THSD7B: variants seen among roughly 807,000 people sequenced by gnomAD.
THSD7B encodes thrombospondin type-1 domain-containing protein 7B.
THSD7B carries 138 observed loss-of-function variants against 213.6 expected under a neutral mutation model. That is an observed-to-expected ratio of 0.65 (90% CI 0.56 to 0.74). THSD7B has a LOEUF of 0.74. THSD7B is among the 30% of genes least tolerant of loss of function. THSD7B has a pLI of 0.00. For missense variants in THSD7B, 1,931 were observed against 1,991.5 expected, an observed-to-expected ratio of 0.97 and a Z score of 0.58; for synonymous variants, 742 against 687.0, an observed-to-expected ratio of 1.08 and a Z score of -1.25.
chr2:137,076,600 G>C (rs35402679), intron 3 of THSD7B, among the ~76,000 whole-genome samples: 15,058 of 152,006 alleles, frequency 0.099, 1,042 homozygotes, highest in African/African-American at 0.2. Context: ...CACCGTCCTG[G>C]GCCTACTGTC....
At chr2:136,798,075 C>A (rs1200429140) in intron 1 of THSD7B, among the ~76,000 whole-genome samples, 2 of 151,744 alleles carry the variant, frequency 1.3e-5, no homozygotes, top group Non-Finnish European at 2.9e-5. Context: ...CTTGGATGAG[C>A]ATTTCTTGGG....
chr2:137,423,321 A>G (rs1686968871), intron 14 of THSD7B, among the ~76,000 whole-genome samples: 1 of 152,126 alleles, frequency 6.6e-6, no homozygotes, highest in African/African-American at 2.4e-5. Context: ...AATAAAAGGT[A>G]TCTATATTGA....
chr2:137,502,433 G>GA (rs1243411497), intron 15 of THSD7B, among the ~76,000 whole-genome samples: 2 of 152,064 alleles, frequency 1.3e-5, no homozygotes, highest in East Asian at 3.9e-4. Context: ...CAACGAGAGG[G>GA]AAAGGTCAGA....
chr2:137,534,780 A>C (rs1680470760), intron 15 of THSD7B, among the ~76,000 whole-genome samples: 1 of 151,784 alleles, frequency 6.6e-6, no homozygotes. Flanking sequence ...ATTTCTTATA[A>C]TCACATTAGA....
intron 13 of THSD7B, among the ~76,000 whole-genome samples, chr2:137,408,924 G>A (rs189562574): frequency 3.3e-5 from 5 of 152,310 alleles, no homozygotes; most frequent in East Asian, 1.9e-4. Context: ...AGAAATTGTG[G>A]AAATTTCTGG....
At chr2:137,235,692 T>C (rs1681748889) in intron 9 of THSD7B, among the ~76,000 whole-genome samples, 1 of 152,222 alleles carries the variant, frequency 6.6e-6, no homozygotes, top group Admixed American at 6.5e-5. Context: ...ACATAATTCA[T>C]AATAAGCTAA....
At chr2:137,252,279 A>AAC (rs1553482946) in intron 10 of THSD7B, among the ~76,000 whole-genome samples, 4 of 149,182 alleles carry the variant, frequency 2.7e-5, no homozygotes, top group East Asian at 1.9e-4. Flanking sequence ...AAAAAAAAAA[A>AAC]AAAAAAAAAA....
intron 8 of THSD7B, among the ~76,000 whole-genome samples, chr2:137,231,870 C>T (rs557548724): frequency 6.6e-6 from 1 of 152,280 alleles, no homozygotes; most frequent in South Asian, 2.1e-4. Flanking sequence ...TCATTTCTTT[C>T]ATGCCCTCCC....
chr2:137,658,792 C>T (rs560994041), intron 24 of THSD7B, among the ~76,000 whole-genome samples: 3 of 152,198 alleles, frequency 2.0e-5, no homozygotes, highest in Non-Finnish European at 2.9e-5. Context: ...TCTGACTGTT[C>T]GCTACTCTGC....
chr2:137,430,848 C>T (rs983996669), intron 14 of THSD7B, among the ~76,000 whole-genome samples: 2 of 151,986 alleles, frequency 1.3e-5, no homozygotes, highest in Non-Finnish European at 2.9e-5. Flanking sequence ...ACCAGAGGTG[C>T]GGAAACACAG....
intron 14 of THSD7B, among the ~76,000 whole-genome samples, chr2:137,417,539 A>G (rs1686825512): frequency 6.6e-6 from 1 of 152,186 alleles, no homozygotes; most frequent in Non-Finnish European, 1.5e-5. Context: ...TCCTGGGCTC[A>G]AGTGATCCTC....
At chr2:137,352,924 C>A (rs1685045387) in intron 12 of THSD7B, among the ~76,000 whole-genome samples, 1 of 151,814 alleles carries the variant, frequency 6.6e-6, no homozygotes, top group Non-Finnish European at 1.5e-5. Context: ...TAATGCATTT[C>A]TAACAGACAG....
At chr2:137,597,468 G>GT (rs5834565) in intron 17 of THSD7B, among the ~76,000 whole-genome samples, 44,016 of 143,326 alleles carry the variant, frequency 0.31, 6,812 homozygotes, top group South Asian at 0.46. Flanking sequence ...AAAAAAACCT[G>GT]TTTTTTTTTT....
chr2:136,799,998 A>G (rs1365231371), intron 1 of THSD7B, among the ~76,000 whole-genome samples: 2 of 152,004 alleles, frequency 1.3e-5, no homozygotes, highest in Non-Finnish European at 2.9e-5. Context: ...TAAAAAATAT[A>G]TAGAGCTCCC....
chr2:137,552,435 A>G (rs1475318414), intron 15 of THSD7B, among the ~76,000 whole-genome samples: 1 of 152,180 alleles, frequency 6.6e-6, no homozygotes, highest in Non-Finnish European at 1.5e-5. Context: ...GAGTGTGGGC[A>G]TTAGCTTCCC....
At chr2:137,408,742 T>C (rs1686583742) in intron 13 of THSD7B, among the ~76,000 whole-genome samples, 1 of 152,164 alleles carries the variant, frequency 6.6e-6, no homozygotes. Flanking sequence ...TTCAAGCTTG[T>C]AGATGCTGTG....
At position 137,648,743 on chromosome 2, in the gene THSD7B, A is replaced by T. The variant is rs184401881; in HGVS notation, c.3945+6110A>T. On this transcript the variant is annotated intron_variant, in intron 21 of 27. Coordinates refer to ENST00000409968, the MANE Select transcript of THSD7B (RefSeq NM_001316349.2). ...TCTCTTTCCCTTCTCTTGAGTATAT[A>T]AATGTGTGTGTGTGTGTATGTGTGT... 2.2e-4 allele frequency among the ~76,000 whole-genome samples: 33 copies of T among 151,902 alleles called. 2 individuals are homozygous for T. The highest frequency in any genetic ancestry group is 1.3e-4 in the Non-Finnish European group (9 of 67,942).
intron 12 of THSD7B, among the ~76,000 whole-genome samples, chr2:137,290,047 G>A (rs1683287849): frequency 2.0e-5 from 3 of 151,684 alleles, no homozygotes; most frequent in Non-Finnish European, 2.9e-5. Context: ...CCTCTCTCCC[G>A]GTAGTTACGC....
chr2:137,268,166 TTA>T (rs1207402756), intron 10 of THSD7B, among the ~76,000 whole-genome samples: 1 of 152,132 alleles, frequency 6.6e-6, no homozygotes, highest in Non-Finnish European at 1.5e-5. Flanking sequence ...TTTATTTTTT[TTA>T]TATACTTTAA....
Sources: allele counts gnomAD v4.1 joint callset (sites outside exome capture counted in the v4.1 genomes callset), GRCh38; gene constraint gnomAD v4.1.1; transcripts MANE v1.5; gene names NCBI Gene and HGNC (gene_info 2026-07-23, HGNC 2026-07-21).